MAGI1: variants seen among roughly 807,000 people sequenced by gnomAD.
MAGI1 encodes membrane-associated guanylate kinase, WW and PDZ domain-containing protein 1.
MAGI1 carries 58 observed loss-of-function variants against 139.9 expected under a neutral mutation model. That is an observed-to-expected ratio of 0.41 (90% CI 0.34 to 0.52). The LOEUF (loss-of-function observed/expected upper bound fraction) is 0.52. MAGI1 is among the 20% of genes least tolerant of loss of function. The probability of loss-of-function intolerance (pLI) is 0.12; values close to 1 mark genes in which losing one functional copy is unlikely to be tolerated. For synonymous variants in MAGI1, 812 were observed against 737.9 expected (o/e 1.10, Z -1.63); for missense variants, 1,874 against 1,901.6 (o/e 0.99, Z 0.27).
At chr3:65,487,485 A>C in intron 3 of MAGI1, among the ~76,000 whole-genome samples, 1 of 152,210 alleles carries the variant, frequency 6.6e-6, no homozygotes, top group East Asian at 1.9e-4. Flanking sequence ...TGGCCAGGCT[A>C]TGTCCCTAAC....
chr3:65,562,013 C>G (rs1444594151), intron 2 of MAGI1, among the ~76,000 whole-genome samples: 2 of 152,100 alleles, frequency 1.3e-5, no homozygotes, highest in South Asian at 2.1e-4. Flanking sequence ...AATTTTATTA[C>G]AGTATATCAT....
In MAGI1 at chr3:65,891,939, T is replaced by C. The variant is rs548562449; in HGVS notation, c.313+146057A>G. On this transcript the variant is annotated intron_variant, in intron 1 of 22. Coordinates refer to ENST00000402939, the MANE Select transcript of MAGI1 (RefSeq NM_001033057.2). ...ATATATATATATATATATATATATATATACCCGTGTTGCTCCAATTCAAAT... is the reference window on the plus strand; with the variant it reads ...ATATATATATATATATATATATATACATACCCGTGTTGCTCCAATTCAAAT... 5.9e-3 allele frequency among the ~76,000 whole-genome samples: 590 copies of C among 99,374 alleles called. 14 individuals carry two copies. Among genetic ancestry groups the C allele is most frequent in the South Asian group, 0.012 (36 of 2,908 alleles). The allele number at this position is 99,374 out of a possible 152,430, so 65.2% of individuals were successfully genotyped here.
chr3:65,631,404 C>T (rs1284671898), intron 1 of MAGI1, among the ~76,000 whole-genome samples: 4 of 152,250 alleles, frequency 2.6e-5, no homozygotes, highest in Admixed American at 2.0e-4. Context: ...TATTAGTGTA[C>T]AAAAATATAG....
intron 2 of MAGI1, among the ~76,000 whole-genome samples, chr3:65,611,754 T>A (rs2083138070): frequency 6.8e-6 from 1 of 147,888 alleles, no homozygotes; most frequent in Non-Finnish European, 1.5e-5. Flanking sequence ...ATAGTATATA[T>A]ACACATATAT....
At chr3:65,580,109 T>C (rs146979626) in intron 2 of MAGI1, among the ~76,000 whole-genome samples, 2 of 152,154 alleles carry the variant, frequency 1.3e-5, no homozygotes, top group African/African-American at 4.8e-5. Flanking sequence ...AAAAGAAAAA[T>C]GTATCTGTTC....
chr3:65,627,258 T>C, intron 1 of MAGI1, among the ~76,000 whole-genome samples: 1 of 152,132 alleles, frequency 6.6e-6, no homozygotes, highest in Admixed American at 6.6e-5. Context: ...TAGTAGGCCA[T>C]ACCAACTAGG....
intron 2 of MAGI1, among the ~76,000 whole-genome samples, chr3:65,514,844 A>G (rs972245636): frequency 1.3e-4 from 19 of 148,002 alleles, no homozygotes; most frequent in African/African-American, 4.8e-4. Flanking sequence ...ATGCTGCTAT[A>G]AAGACACATG....
intron 22 of MAGI1, chr3:65,360,366 T>G (rs923710019): frequency 3.2e-5 from 31 of 978,148 alleles, no homozygotes; most frequent in Non-Finnish European, 3.8e-5. Flanking sequence ...TTTTTTTTTT[T>G]TTAATTTTAA....
intron 1 of MAGI1, among the ~76,000 whole-genome samples, chr3:65,772,645 A>T (rs1207898327): frequency 6.6e-6 from 1 of 152,214 alleles, no homozygotes; most frequent in Admixed American, 6.5e-5. Context: ...GCAAACAGGG[A>T]GCAGAGAAAA....
chr3:65,859,619 G>T (rs1161095368), intron 1 of MAGI1, among the ~76,000 whole-genome samples: 1 of 151,688 alleles, frequency 6.6e-6, no homozygotes, highest in Non-Finnish European at 1.5e-5. Flanking sequence ...TACTCAGGAG[G>T]CTGAGGCAGG....
In MAGI1 at chr3:65,354,783, T is replaced by C. The variant is rs1361879766; in HGVS notation, c.*1595A>G. 1 of 152,640 alleles carries C rather than the reference T, an allele frequency of 6.6e-6. No individual in the cohort carries two copies. Among genetic ancestry groups the C allele is most frequent in the African/African-American group, 2.4e-5 (1 of 41,462 alleles). 9.5% of individuals were successfully genotyped at this position (152,640 alleles called of 1,614,324 possible). ...GCTAAATTTTGTCATAAATTCTCTT[T>C]TATACAAGAAAAAAAGGCAACAGTT... is the stretch of plus-strand genomic sequence containing the variant. On this transcript the variant is annotated 3_prime_UTR_variant, in exon 23 of 23. Transcript: ENST00000402939.
At chr3:65,845,315 T>G (rs529942919) in intron 1 of MAGI1, among the ~76,000 whole-genome samples, 1 of 151,798 alleles carries the variant, frequency 6.6e-6, no homozygotes, top group African/African-American at 2.4e-5. Flanking sequence ...CTTGGGCACA[T>G]AGAGTGTCGT....
intron 2 of MAGI1, among the ~76,000 whole-genome samples, chr3:65,505,113 T>G (rs1397516038): frequency 6.6e-6 from 1 of 152,136 alleles, no homozygotes; most frequent in African/African-American, 2.4e-5. Flanking sequence ...AAGTTGTCTA[T>G]GAGAAAAGGG....
At chr3:65,536,688 T>C (rs1273835863) in intron 2 of MAGI1, among the ~76,000 whole-genome samples, 1 of 152,136 alleles carries the variant, frequency 6.6e-6, no homozygotes, top group Admixed American at 6.5e-5. Flanking sequence ...GGGCTGGCCA[T>C]ATGATCCTGG....
At position 65,446,494 on chromosome 3, in the gene MAGI1, C is replaced by G. The variant is rs138229491; in HGVS notation, c.1078+1528G>C. On this transcript the variant is annotated intron_variant, in intron 7 of 22. Coordinates refer to ENST00000402939, the MANE Select transcript of MAGI1 (RefSeq NM_001033057.2). Reference sequence around the variant, plus strand: ...ACATGTGGGTAAAATGCAGAAACTTCTTTCCTGAAAATTTCAAATTCAAAT... The same window carrying G: ...ACATGTGGGTAAAATGCAGAAACTTGTTTCCTGAAAATTTCAAATTCAAAT... 3.5e-4 allele frequency among the ~76,000 whole-genome samples: 53 copies of G among 152,310 alleles called. 1 individual carries two copies. Among genetic ancestry groups the G allele is most frequent in the African/African-American group, 1.3e-3 (52 of 41,570 alleles).
intron 10 of MAGI1, among the ~76,000 whole-genome samples, chr3:65,431,095 C>T (rs1463161095): frequency 6.6e-6 from 1 of 152,138 alleles, no homozygotes; most frequent in African/African-American, 2.4e-5. Context: ...AGTATGTCAA[C>T]TCCAGGGTCC....
chr3:65,929,538 T>C (rs1292035916), intron 1 of MAGI1, among the ~76,000 whole-genome samples: 1 of 152,068 alleles, frequency 6.6e-6, no homozygotes, highest in Non-Finnish European at 1.5e-5. Context: ...TTTCACCATA[T>C]TGGCCAGGAT....
chr3:65,919,056 T>C (rs2062043444), intron 1 of MAGI1, among the ~76,000 whole-genome samples: 1 of 152,170 alleles, frequency 6.6e-6, no homozygotes, highest in South Asian at 2.1e-4. Context: ...TGAAACCAGA[T>C]AGTATGGTTA....
intron 2 of MAGI1, among the ~76,000 whole-genome samples, chr3:65,525,563 G>A (rs370372516): frequency 6.6e-6 from 1 of 152,140 alleles, no homozygotes; most frequent in East Asian, 1.9e-4. Flanking sequence ...TTCTGAAATG[G>A]TAAAATAAAA....
Sources: gnomAD v4.1 joint callset for allele counts (sites outside exome capture counted in the v4.1 genomes callset) on GRCh38, gnomAD v4.1.1 for gene constraint, MANE v1.5 for transcripts, NCBI Gene and HGNC (gene_info 2026-07-23, HGNC 2026-07-21) for gene names.